Variants in HEATR5B observed in about 807,000 individuals in gnomAD.
HEATR5B encodes the protein HEAT repeat-containing protein 5B.
HEATR5B carries 156 observed loss-of-function variants against 224.1 expected under a neutral mutation model. The ratio of observed to expected loss-of-function variants is 0.70; its 90% CI spans 0.61 to 0.80. The LOEUF is 0.80. Ranked by LOEUF, HEATR5B falls within the 30% of genes least tolerant of loss-of-function variation. The pLI is 0.00. For synonymous variants in HEATR5B, 1,027 were observed against 893.0 expected (o/e 1.15, Z -2.68); for missense variants, 2,323 against 2,535.5 (o/e 0.92, Z 1.80).
At chr2:37,021,550 C>T (rs550701061) in intron 24 of HEATR5B, among the ~76,000 whole-genome samples, 1 of 152,138 alleles carries the variant, frequency 6.6e-6, no homozygotes, top group African/African-American at 2.4e-5. Context: ...CAATGCGTAA[C>T]TGACTTTTTC....
intron 33 of HEATR5B, among the ~76,000 whole-genome samples, chr2:36,995,090 T>G (rs1383963736): frequency 7.2e-5 from 10 of 139,030 alleles, no homozygotes; most frequent in Admixed American, 7.0e-4. Flanking sequence ...ATTCCTTGTT[T>G]TTTTTTTTTT....
Position 37,068,924 on chromosome 2 carries a change from C to G in HEATR5B, c.934G>C (p.Val312Leu), listed in dbSNP as rs749657725. 1.2e-6 allele frequency: 2 copies of G among 1,610,406 alleles called. No individual in the cohort carries two copies. Among genetic ancestry groups the G allele is most frequent in the South Asian group, 2.2e-5 (2 of 90,944 alleles). Residue 312 changes from valine to leucine, a missense_variant, in exon 8 of 36, where the codon GTT becomes CTT. Transcript: ENST00000233099. ...CCACCCAATGTTGTCACAAAAACAA[C>G]ATACGCCTGTAAAAAGAGGAAGGTA... Reference protein sequence around the residue: ...EVRVGVTQAYVVFVTTLGGQW... With the variant: ...EVRVGVTQAYLVFVTTLGGQW...
chr2:37,016,278 A>G (rs1294125030), intron 26 of HEATR5B, among the ~76,000 whole-genome samples: 2 of 151,940 alleles, frequency 1.3e-5, no homozygotes, highest in Non-Finnish European at 1.5e-5. Flanking sequence ...AGGCCCGGCT[A>G]ATTTTTGTAT....
rs1667148225 is a variant in HEATR5B, at chr2:37,002,408, T to C, written c.5215A>G (p.Ser1739Gly). 1 of 1,614,124 alleles carries C rather than the reference T, an allele frequency of 6.2e-7. No individual in the cohort carries two copies. The highest frequency in any genetic ancestry group is 1.7e-5 in the Admixed American group (1 of 60,006). The change falls in exon 32 of 36, where the codon AGT becomes GGT. Residue 1739 changes from serine to glycine, a missense_variant. Physicochemically the swap from Ser to Gly is moderately conservative, Grantham distance 56 (BLOSUM62 0). Coordinates refer to ENST00000233099, the MANE Select transcript of HEATR5B (RefSeq NM_019024.3). ...HLSTKVSDSP[S>G]HIATKTRLSE... is the part of the protein sequence containing the mutation. Reference sequence around the variant, plus strand: ...AGTCGAGTTTTAGTGGCTATGTGACTTGGAGAGTCTGACACCTTGGTACTG... The same window carrying C: ...AGTCGAGTTTTAGTGGCTATGTGACCTGGAGAGTCTGACACCTTGGTACTG...
chr2:37,053,610 A>G lies in HEATR5B; in HGVS notation c.2400-3T>C, dbSNP rs773633235. 3.0e-5 allele frequency: 48 copies of G among 1,575,322 alleles called. No homozygotes were observed. The highest frequency in any genetic ancestry group is 3.4e-4 in the Middle Eastern group (2 of 5,944). On this transcript the variant is annotated splice_polypyrimidine_tract_variant and splice_region_variant and intron_variant, in intron 16 of 35. Coordinates refer to ENST00000233099, the MANE Select transcript of HEATR5B (RefSeq NM_019024.3). ...CAAAGTGATCCAACATTTGTAATCT[A>G]TAACAATAAGAAAAAAAAATCACAT...
At chr2:37,008,573 G>A (rs1018186549) in intron 28 of HEATR5B, 38 bp downstream of exon 28, 2 of 1,393,160 alleles carry the variant, frequency 1.4e-6, no homozygotes, top group East Asian at 4.6e-5. Flanking sequence ...CTACTACTTT[G>A]AACTCCATAA....
intron 2 of HEATR5B, among the ~76,000 whole-genome samples, chr2:37,082,979 G>C (rs1005258051): frequency 6.6e-6 from 1 of 152,028 alleles, no homozygotes. Context: ...GAAGACACTG[G>C]GATTGTTAGG....
At chr2:37,027,321 G>T (rs753856057) in intron 24 of HEATR5B, among the ~76,000 whole-genome samples, 6 of 152,154 alleles carry the variant, frequency 3.9e-5, no homozygotes, top group Non-Finnish European at 8.8e-5. Flanking sequence ...CTTCAACTAT[G>T]AAATGAAGGT....
Position 37,057,304 on chromosome 2 carries a change from C to T in HEATR5B, c.2223+13G>A. The T allele has an allele frequency of 2.5e-6, 4 of 1,578,684 alleles. No individual in the cohort carries two copies. The East Asian group carries it at 6.8e-5, about 27-fold the overall frequency. On this transcript the variant is annotated intron_variant, in intron 15 of 35. Coordinates refer to ENST00000233099, the MANE Select transcript of HEATR5B (RefSeq NM_019024.3). ...GATTAAGTTAGTATTTCATTTTCCT[C>T]TATGTTTATTACCTGGTCTTCAATT...
intron 17 of HEATR5B, among the ~76,000 whole-genome samples, chr2:37,050,245 C>G (rs1670452336): frequency 6.6e-6 from 1 of 152,098 alleles, no homozygotes; most frequent in Non-Finnish European, 1.5e-5. Flanking sequence ...ATACATACAT[C>G]TTCATAAGTT....
intron 12 of HEATR5B, among the ~76,000 whole-genome samples, chr2:37,059,406 A>ATG (rs529487124): frequency 0.1 from 10,235 of 99,766 alleles, 727 homozygotes; most frequent in East Asian, 0.24. Context: ...ATATATGTAT[A>ATG]TGTGTGTGTG....
chr2:37,002,701 T>C, intron 31 of HEATR5B, 129 bp from the exon 32 acceptor site: 5 of 892,012 alleles, frequency 5.6e-6, no homozygotes. Context: ...CGTCCTTCTC[T>C]GTATAATTCT....
intron 21 of HEATR5B, 71 bp downstream of exon 21, chr2:37,037,784 C>T: frequency 1.8e-6 from 2 of 1,133,398 alleles, no homozygotes; most frequent in Non-Finnish European, 1.2e-6. Flanking sequence ...AGTATGTATC[C>T]ATAAAAAATT....
chr2:37,071,723 C>T lies in HEATR5B; in HGVS notation c.769+387G>A, dbSNP rs552177410. Among the ~76,000 whole-genome samples, 361 of 150,176 alleles carry T rather than the reference C, an allele frequency of 2.4e-3. 1 individual carries two copies. The highest frequency in any genetic ancestry group is 4.0e-3 in the Non-Finnish European group (269 of 67,720). ...TTTTTGAGATGGAGTCTTGCTCTGTCGCCCAGGCTGGAGTACAGTGGTGCG... is the reference window on the plus strand; with the variant it reads ...TTTTTGAGATGGAGTCTTGCTCTGTTGCCCAGGCTGGAGTACAGTGGTGCG... On this transcript the variant is annotated intron_variant, in intron 6 of 35. Coordinates refer to ENST00000233099, the MANE Select transcript of HEATR5B (RefSeq NM_019024.3).
At chr2:37,008,492 A>G (rs765923886) in intron 28 of HEATR5B, 119 bp downstream of exon 28, 2 of 724,662 alleles carry the variant, frequency 2.8e-6, no homozygotes, top group African/African-American at 3.5e-5. Context: ...CATCAAACTT[A>G]AGCCACAGAA....
At chr2:37,051,015 C>T (rs1173452754) in intron 17 of HEATR5B, among the ~76,000 whole-genome samples, 1 of 152,088 alleles carries the variant, frequency 6.6e-6, no homozygotes, top group Non-Finnish European at 1.5e-5. Context: ...CACTGCACTC[C>T]AGCCTGGCGA....
chr2:37,028,262 T>G, intron 23 of HEATR5B, 88 bp from the exon 24 acceptor site: 1 of 797,758 alleles, frequency 1.3e-6, no homozygotes, highest in South Asian at 4.6e-5. Context: ...TTTTTTTAAT[T>G]TAAAAAAAGA....
intron 24 of HEATR5B, among the ~76,000 whole-genome samples, chr2:37,024,647 G>C (rs1319533706): frequency 6.6e-6 from 1 of 152,118 alleles, no homozygotes; most frequent in Non-Finnish European, 1.5e-5. Flanking sequence ...CAAAATTTGG[G>C]AGAAAATTCC....
At chr2:37,071,606 C>G (rs1437690309) in intron 6 of HEATR5B, among the ~76,000 whole-genome samples, 3 of 151,802 alleles carry the variant, frequency 2.0e-5, no homozygotes, top group Non-Finnish European at 4.4e-5. Context: ...ATATGTCCAG[C>G]ATAATTGCTA....
Sources: allele counts gnomAD v4.1 joint callset (sites outside exome capture counted in the v4.1 genomes callset), GRCh38; gene constraint gnomAD v4.1.1; transcripts MANE v1.5; gene names NCBI Gene and HGNC (gene_info 2026-07-23, HGNC 2026-07-21).